The following PLIN5 variants were observed in gnomAD, a reference collection of about 807,000 sequenced individuals.
PLIN5 encodes perilipin-5.
Under a neutral mutation model 32.8 loss-of-function variants are expected in PLIN5, and 34 were observed. The observed-to-expected ratio is 1.04, with a 90% CI of 0.79 to 1.38. The LOEUF (loss-of-function observed/expected upper bound fraction) is 1.38. PLIN5 is among the 40% of genes most tolerant of loss of function. The pLI is 0.00. For missense variants in PLIN5, 712 were observed against 660.5 expected (o/e 1.08, Z -0.85); for synonymous variants, 309 against 292.9 (o/e 1.05, Z -0.56).
Position 4,529,155 on chromosome 19 carries a change from G to T in PLIN5, c.438C>A (p.Ser146=). 1 of 1,613,230 alleles carries T rather than the reference G, an allele frequency of 6.2e-7. No homozygotes were observed. The highest frequency in any genetic ancestry group is 2.2e-5 in the East Asian group (1 of 44,860). The change falls in exon 5 of 8, where the codon TCC becomes TCA. Residue 146 remains serine (S), a synonymous_variant. Transcript: ENST00000381848. ...GTACAACATCCACAGCATGGCTCAC[G>T]GAGCGCTTCAGCTCCACGCTCCAGC... ...GRRWSVELKR[S]VSHAVDVVLE...
chr19:4,531,616 A>C lies in PLIN5; in HGVS notation c.256+11T>G. 6.6e-7 allele frequency: 1 copy of C among 1,505,620 alleles called. No individual in the cohort carries two copies. Among genetic ancestry groups the C allele is most frequent in the Non-Finnish European group, 8.9e-7 (1 of 1,127,962 alleles). 93.3% of individuals were successfully genotyped at this position (1,505,620 alleles called of 1,614,324 possible). Reference sequence around the variant, plus strand: ...GCCACAGCTCCCAGGGACACGGGCCAGGGCACTCACGCTGGGGCTGCAGGT... The same window carrying C: ...GCCACAGCTCCCAGGGACACGGGCCCGGGCACTCACGCTGGGGCTGCAGGT... On this transcript the variant is annotated intron_variant, in intron 3 of 7. Coordinates refer to ENST00000381848, the MANE Select transcript of PLIN5 (RefSeq NM_001013706.3).
intron 2 of PLIN5, chr19:4,533,662 G>A (rs1461957259): frequency 1.1e-5 from 5 of 460,876 alleles, no homozygotes; most frequent in Non-Finnish European, 1.5e-5. Context: ...GGTTGGAACT[G>A]TGACTGATAC....
intron 2 of PLIN5, 85 bp from the exon 3 acceptor site, chr19:4,531,907 G>A (rs76461382): frequency 0.048 from 65,110 of 1,353,172 alleles, 1,795 homozygotes; most frequent in Middle Eastern, 0.061. Context: ...TCTGGGCCAG[G>A]ACGAGGGATG....
At chr19:4,533,479 G>T (rs1976911499) in intron 2 of PLIN5, 1 of 166,688 alleles carries the variant, frequency 6.0e-6, no homozygotes, top group East Asian at 1.7e-4. Context: ...GAGTCTGGGG[G>T]TTCAGAGCAC....
intron 5 of PLIN5, among the ~76,000 whole-genome samples, chr19:4,527,800 G>A (rs1976825340): frequency 1.3e-5 from 2 of 149,564 alleles, no homozygotes; most frequent in South Asian, 4.3e-4. Context: ...AGCTGAGATC[G>A]CAACACTGCA....
In PLIN5 at chr19:4,529,837, C is replaced by A. The variant is rs1976861500; in HGVS notation, c.286G>T (p.Gly96Cys). Reference protein sequence around the residue: ...LATMNSLACRGLDKLEEKLPF... With the variant: ...LATMNSLACRCLDKLEEKLPF... ...AGCTTCTCTTCCAGCTTGTCCAGGC[C>A]CCTGCAGGCGAGGCTGTTCATAGTG... Residue 96 changes from glycine to cysteine, a missense_variant, in exon 4 of 8, where the codon GGC becomes TGC. Physicochemically the swap from Gly to Cys is radical, Grantham distance 159. Coordinates refer to ENST00000381848, the MANE Select transcript of PLIN5 (RefSeq NM_001013706.3). 1 of 1,610,176 alleles carries A rather than the reference C, an allele frequency of 6.2e-7. No homozygotes were observed. Among genetic ancestry groups the A allele is most frequent in the African/African-American group, 1.3e-5 (1 of 74,918 alleles).
At position 4,523,391 on chromosome 19, in the gene PLIN5, G is replaced by A; in HGVS notation, c.*137C>T. On this transcript the variant is annotated 3_prime_UTR_variant, in exon 8 of 8. Coordinates refer to ENST00000381848, the MANE Select transcript of PLIN5 (RefSeq NM_001013706.3). This position sits in a 1 kb window ranked among gnomAD's most constrained non-coding sequence, Gnocchi z 5.0. ...TGGGAGAGTCCAATACCAAAAAGGT[G>A]GTCAGAGATCCGGAGTTGGGCCTGA... 1.0e-6 allele frequency: 1 copy of A among 992,412 alleles called. No individual in the cohort carries two copies. Among genetic ancestry groups the A allele is most frequent in the Non-Finnish European group, 1.4e-6 (1 of 704,430 alleles). The allele number at this position is 992,412 out of a possible 1,614,324, so 61.5% of individuals were successfully genotyped here.
In PLIN5 at chr19:4,525,056, C is replaced by T. The variant is rs991425826; in HGVS notation, c.741G>A (p.Gly247=). Residue 247 remains glycine (G), a synonymous_variant, in exon 7 of 8, where the codon GGG becomes GGA. Transcript: ENST00000381848. This position sits in a 1 kb window ranked among gnomAD's most constrained non-coding sequence, Gnocchi z 5.6. ...GGCAGGCCGGGGCGGTGGGGGTCAC[C>T]CCACACTGCATGTGGTCTATCTGCA... ...TLELIDHMQC[G]VTPTAPACPG... The T allele has an allele frequency of 2.8e-6, 4 of 1,439,292 alleles. No homozygotes were observed. The highest frequency in any genetic ancestry group is 1.5e-5 in the African/African-American group (1 of 67,282). 89.2% of individuals were successfully genotyped at this position (1,439,292 alleles called of 1,614,324 possible).
At chr19:4,530,536 G>C (rs1024696879) in intron 3 of PLIN5, among the ~76,000 whole-genome samples, 10 of 152,090 alleles carry the variant, frequency 6.6e-5, no homozygotes, top group Non-Finnish European at 1.2e-4. Flanking sequence ...AGGTGCAGAG[G>C]GGAGGGGGCC....
At chr19:4,534,159 CTG>C in intron 1 of PLIN5, 64 bp from the exon 2 acceptor site, 1 of 1,439,146 alleles carries the variant, frequency 6.9e-7, no homozygotes, top group Non-Finnish European at 9.6e-7. Context: ...AAATTGGGCT[CTG>C]TGACTTGAGC....
intron 3 of PLIN5, among the ~76,000 whole-genome samples, chr19:4,530,900 C>G (rs937593107): frequency 2.0e-5 from 3 of 152,090 alleles, no homozygotes; most frequent in African/African-American, 7.2e-5. Flanking sequence ...TCTCGAACTC[C>G]TGACCTCAAG....
chr19:4,532,792 C>A (rs891036795), intron 2 of PLIN5: 4 of 152,286 alleles, frequency 2.6e-5, no homozygotes, highest in African/African-American at 9.6e-5. Flanking sequence ...ACCTCAGTTT[C>A]CAAGTACCTG....
intron 5 of PLIN5, among the ~76,000 whole-genome samples, chr19:4,528,238 T>A (rs952689756): frequency 3.2e-4 from 48 of 151,462 alleles, no homozygotes; most frequent in African/African-American, 1.1e-3. Context: ...GAGGTGGGGG[T>A]AAGCCCATAC....
At chr19:4,531,174 T>C (rs1157132058) in intron 3 of PLIN5, among the ~76,000 whole-genome samples, 1 of 151,916 alleles carries the variant, frequency 6.6e-6, no homozygotes, top group African/African-American at 2.4e-5. Context: ...CCAAGTTTTG[T>C]ATTTTTAGTA....
At position 4,523,811 on chromosome 19, in the gene PLIN5, G is replaced by A. The variant is rs749529486; in HGVS notation, c.1109C>T (p.Pro370Leu). The change falls in exon 8 of 8, where the codon CCG becomes CTG. Residue 370 changes from proline to leucine, a missense_variant. Pro to Leu is a moderately conservative substitution (Grantham distance 98). Transcript: ENST00000381848. This position sits in a 1 kb window ranked among gnomAD's most constrained non-coding sequence, Gnocchi z 5.0. ...ELLELVVQAVPLPWLVGPFAP... is the reference protein window; with the variant it reads ...ELLELVVQAVLLPWLVGPFAP... Reference sequence around the variant, plus strand: ...GAAGGGTCCCACCAGCCAGGGCAGCGGCACGGCCTGCACCACCAGCTCCAG... The same window carrying A: ...GAAGGGTCCCACCAGCCAGGGCAGCAGCACGGCCTGCACCACCAGCTCCAG... 117 of 1,594,782 alleles carry A rather than the reference G, an allele frequency of 7.3e-5. No homozygotes were observed. Among genetic ancestry groups the A allele is most frequent in the East Asian group, 4.9e-4 (22 of 44,722 alleles).
intron 3 of PLIN5, 137 bp from the exon 4 acceptor site, chr19:4,530,003 G>C: frequency 2.0e-6 from 1 of 488,342 alleles, no homozygotes. Context: ...AAGACAGGGA[G>C]AAACAAAACG....
At chr19:4,532,237 G>C (rs1344149189) in intron 2 of PLIN5, 1 of 156,890 alleles carries the variant, frequency 6.4e-6, no homozygotes, top group Admixed American at 6.5e-5. Flanking sequence ...TATCGCCCAG[G>C]CTGGAGTGCA....
Position 4,529,272 on chromosome 19 carries a change from C to G in PLIN5, c.340-19G>C. 1 of 1,582,872 alleles carries G rather than the reference C, an allele frequency of 6.3e-7. No homozygotes were observed. Among genetic ancestry groups the G allele is most frequent in the Non-Finnish European group, 8.6e-7 (1 of 1,161,856 alleles). ...TCACCACCTGGAAGGAAGGGCCCCC[C>G]CACTCCAGGCACCGTGGGACTCCAG... On this transcript the variant is annotated intron_variant, in intron 4 of 7. Coordinates refer to ENST00000381848, the MANE Select transcript of PLIN5 (RefSeq NM_001013706.3).
chr19:4,529,575 TAC>T, intron 4 of PLIN5: 1 of 503,648 alleles, frequency 2.0e-6, no homozygotes, highest in Non-Finnish European at 3.5e-6. Context: ...TACGTATATA[TAC>T]ATATATACAC....
Sources: allele counts gnomAD v4.1 joint callset (sites outside exome capture counted in the v4.1 genomes callset), GRCh38; gene constraint gnomAD v4.1.1; non-coding constraint Gnocchi (gnomAD v3.1); transcripts MANE v1.5; gene names NCBI Gene and HGNC (gene_info 2026-07-23, HGNC 2026-07-21).